ZNF77: variants seen among roughly 807,000 people sequenced by gnomAD.
ZNF77 encodes zinc finger protein 77, also known as ZNFpT1.
In ZNF77, 15 loss-of-function variants were observed where a neutral mutation model predicts 13.5. That is an observed-to-expected ratio of 1.11 (90% CI 0.74 to 1.71). ZNF77 has a LOEUF of 1.71. Ranked by LOEUF, ZNF77 falls within the 40% of genes most tolerant of loss-of-function variation. The pLI, the probability that ZNF77 is intolerant of heterozygous loss-of-function variation, is 0.00. For synonymous variants in ZNF77, 282 were observed against 250.0 expected, an observed-to-expected ratio of 1.13 and a Z score of -1.21; for missense variants, 717 against 676.4, an observed-to-expected ratio of 1.06 and a Z score of -0.67.
intron 3 of ZNF77, among the ~76,000 whole-genome samples, chr19:2,936,163 T>C (rs2088394803): frequency 6.6e-6 from 1 of 152,042 alleles, no homozygotes; most frequent in African/African-American, 2.4e-5. Flanking sequence ...TACTTTTTTT[T>C]TGAGATGGAG....
Position 2,934,077 on chromosome 19 carries a change from T to G in ZNF77, c.1050A>C (p.Lys350Asn). ...TGCCGCATTCCTTACATTCATAGGG[T>G]TTCTCTCCACTGTGCGTTCTCCCAT... ...REHGRTHSGE[K>N]PYECKECGKA... The change falls in exon 4 of 4, where the codon AAA becomes AAC. Residue 350 changes from lysine to asparagine, a missense_variant. By Grantham distance (94) the Lys-to-Asn change is moderately conservative (BLOSUM62 0). Coordinates refer to ENST00000314531, the MANE Select transcript of ZNF77 (RefSeq NM_021217.3). 1 of 1,614,002 alleles carries G rather than the reference T, an allele frequency of 6.2e-7. No individual in the cohort carries two copies. The highest frequency in any genetic ancestry group is 2.2e-5 in the East Asian group (1 of 44,862).
chr19:2,934,450 G>A lies in ZNF77; in HGVS notation c.677C>T (p.Ser226Phe), dbSNP rs780695946. Residue 226 changes from serine (S) to phenylalanine (F), a missense_variant, in exon 4 of 4, where the codon TCT becomes TTT. Physicochemically the swap from Ser to Phe is radical, Grantham distance 155 (BLOSUM62 -2). Transcript: ENST00000314531. ...KCGKAFICPSSFRGHVNSHHG... is the reference protein window; with the variant it reads ...KCGKAFICPSFFRGHVNSHHG... ...ATGACTATTCACATGTCCCCTGAAA[G>A]ATGAGGGACAAATGAAAGCTTTTCC... 1.2e-6 allele frequency: 2 copies of A among 1,614,084 alleles called. No individual in the cohort carries two copies. The highest frequency in any genetic ancestry group is 1.7e-5 in the Admixed American group (1 of 59,998).
At chr19:2,940,881 A>C (rs374363777) in intron 1 of ZNF77, among the ~76,000 whole-genome samples, 5 of 152,066 alleles carry the variant, frequency 3.3e-5, no homozygotes, top group African/African-American at 1.2e-4. Context: ...TTTATAATAA[A>C]ATGCTATCAG....
At position 2,934,165 on chromosome 19, in the gene ZNF77, T is replaced by C. The variant is rs772507748; in HGVS notation, c.962A>G (p.Glu321Gly). The change falls in exon 4 of 4, where the codon GAG (glutamate) becomes GGG (glycine). Residue 321 changes from glutamate (E) to glycine (G), a missense_variant. Transcript: ENST00000314531. ...FRDHVRTHTG[E>G]KPCQCKHCGK... The stretch of plus-strand genomic sequence containing the variant: ...GCAATGTTTACACTGACAGGGTTTC[T>C]CTCCAGTGTGCGTCCTCACGTGATC... The C allele has an allele frequency of 1.6e-5, 26 of 1,614,068 alleles. No individual in the cohort carries two copies. Among genetic ancestry groups the C allele is most frequent in the Non-Finnish European group, 2.1e-5 (25 of 1,180,026 alleles).
At chr19:2,940,392 A>T (rs1486705077) in intron 1 of ZNF77, among the ~76,000 whole-genome samples, 1 of 151,916 alleles carries the variant, frequency 6.6e-6, no homozygotes, top group East Asian at 1.9e-4. Flanking sequence ...AATTTAGGAT[A>T]GGCCGGGCGT....
intron 1 of ZNF77, among the ~76,000 whole-genome samples, chr19:2,940,678 G>GAAAAA (rs71179936): frequency 2.6e-5 from 3 of 114,608 alleles, no homozygotes; most frequent in African/African-American, 3.4e-5. Flanking sequence ...TCACAAAAAA[G>GAAAAA]AAAAAAAAAA....
rs1441840956 is a variant in ZNF77 at position 2,934,394 on chromosome 19, A to G, written c.733T>C (p.Cys245Arg). The change falls in exon 4 of 4, where the codon TGT becomes CGT. Residue 245 changes from cysteine (C) to arginine (R), a missense_variant. Cys to Arg is a radical substitution (Grantham distance 180). Transcript: ENST00000314531. ...GAGTAATACATAAAGGTCTTCCCACATACTTTACATGCATGGGTTTTCTGC... is the reference window on the plus strand; with the variant it reads ...GAGTAATACATAAAGGTCTTCCCACGTACTTTACATGCATGGGTTTTCTGC... Reference protein sequence around the residue: ...HGQKTHACKVCGKTFMYYSYL... With the variant: ...HGQKTHACKVRGKTFMYYSYL... 1.2e-6 allele frequency: 2 copies of G among 1,614,098 alleles called. No homozygotes were observed. The highest frequency in any genetic ancestry group is 1.7e-6 in the Non-Finnish European group (2 of 1,180,040).
At chr19:2,939,554 T>A (rs2088431561) in intron 1 of ZNF77, 147 bp from the exon 2 acceptor site, 2 of 1,121,760 alleles carry the variant, frequency 1.8e-6, no homozygotes, top group East Asian at 2.4e-5. Flanking sequence ...AAAAGTGCAG[T>A]ACACTCAATG....
At chr19:2,944,793 C>A in intron 1 of ZNF77, 45 bp downstream of exon 1, 1 of 1,497,960 alleles carries the variant, frequency 6.7e-7, no homozygotes. Flanking sequence ...TTCCTGCCGC[C>A]CCACCTCGCC....
intron 1 of ZNF77, among the ~76,000 whole-genome samples, chr19:2,943,559 T>G (rs2088469178): frequency 6.6e-6 from 1 of 151,890 alleles, no homozygotes; most frequent in Non-Finnish European, 1.5e-5. Flanking sequence ...TCCTTTCTGC[T>G]TGTCCCCTAA....
At chr19:2,938,942 C>T (rs1259883398) in intron 2 of ZNF77, among the ~76,000 whole-genome samples, 4 of 147,822 alleles carry the variant, frequency 2.7e-5, no homozygotes, top group African/African-American at 5.0e-5. Flanking sequence ...GGCGAGAGAG[C>T]AAGACTCCGT....
intron 2 of ZNF77, among the ~76,000 whole-genome samples, chr19:2,937,656 C>T (rs896395820): frequency 9.9e-5 from 15 of 152,130 alleles, no homozygotes; most frequent in African/African-American, 3.4e-4. Flanking sequence ...CTTTCCCCTG[C>T]GAAGGAGGAC....
intron 1 of ZNF77, among the ~76,000 whole-genome samples, chr19:2,943,461 CCCCGAG>C (rs962853757): frequency 2.0e-5 from 3 of 152,116 alleles, no homozygotes; most frequent in African/African-American, 7.2e-5. Context: ...ACTTTGGCCC[CCCCGAG>C]TCTGAGCAAG....
intron 1 of ZNF77, among the ~76,000 whole-genome samples, chr19:2,942,001 G>GAAGGCAAAGAACACATCC (rs2088452770): frequency 6.6e-6 from 1 of 151,646 alleles, no homozygotes; most frequent in Non-Finnish European, 1.5e-5. Flanking sequence ...GGCAGTGGCA[G>GAAGGCAAAGAACACATCC]AAGGCAAAGA....
intron 1 of ZNF77, among the ~76,000 whole-genome samples, chr19:2,943,734 G>C (rs1379168533): frequency 1.0e-5 from 1 of 97,168 alleles, no homozygotes; most frequent in African/African-American, 4.1e-5. Flanking sequence ...TTTTTGAGAC[G>C]GAGTCTTTCT....
intron 1 of ZNF77, among the ~76,000 whole-genome samples, chr19:2,940,415 C>A (rs2088438854): frequency 6.6e-6 from 1 of 151,946 alleles, no homozygotes; most frequent in Admixed American, 6.6e-5. Context: ...TGGCTCACGC[C>A]TATAATCCTA....
chr19:2,933,835 G>A lies in ZNF77; in HGVS notation c.1292C>T (p.Thr431Ile), dbSNP rs754630281. Reference protein sequence around the residue: ...SSLRIHVRTHTGEKPFECKHC... With the variant: ...SSLRIHVRTHIGEKPFECKHC... Reference sequence around the variant, plus strand: ...CTTACACTCAAAGGGCTTCTCTCCAGTATGCGTCCTCACGTGGATTCGAAG... The same window carrying A: ...CTTACACTCAAAGGGCTTCTCTCCAATATGCGTCCTCACGTGGATTCGAAG... The change falls in exon 4 of 4, where the codon ACT (threonine) becomes ATT (isoleucine). Residue 431 changes from threonine (T) to isoleucine (I), a missense_variant. By Grantham distance (89) the Thr-to-Ile change is moderately conservative. Coordinates refer to ENST00000314531, the MANE Select transcript of ZNF77 (RefSeq NM_021217.3). 2 of 1,613,574 alleles carry A rather than the reference G, an allele frequency of 1.2e-6. No homozygotes were observed. Among genetic ancestry groups the A allele is most frequent in the South Asian group, 2.2e-5 (2 of 91,040 alleles).
In ZNF77 at chr19:2,933,756, G is replaced by A. The variant is rs2088366042; in HGVS notation, c.1371C>T (p.Thr457=). The A allele has an allele frequency of 1.2e-6, 2 of 1,612,272 alleles. No individual in the cohort carries two copies. The highest frequency in any genetic ancestry group is 1.3e-5 in the African/African-American group (1 of 74,836). Residue 457 remains threonine, a synonymous_variant, in exon 4 of 4, where the codon ACC becomes ACT. Coordinates refer to ENST00000314531, the MANE Select transcript of ZNF77 (RefSeq NM_021217.3). ...ATTCGTACGGTTTCTCTCCGCTGTGGGTTCGCACATGCTCTCGAAGGGAGG... is the reference window on the plus strand; with the variant it reads ...ATTCGTACGGTTTCTCTCCGCTGTGAGTTCGCACATGCTCTCGAAGGGAGG... ...CHSSLREHVR[T]HSGEKPYECN...
At chr19:2,935,522 G>A (rs1599617762) in intron 3 of ZNF77, among the ~76,000 whole-genome samples, 1 of 149,080 alleles carries the variant, frequency 6.7e-6, no homozygotes, top group South Asian at 2.1e-4. Context: ...GTAGAGATGG[G>A]GTTTCTCCAT....
Sources: allele counts gnomAD v4.1 joint callset (sites outside exome capture counted in the v4.1 genomes callset), GRCh38; gene constraint gnomAD v4.1.1; transcripts MANE v1.5; gene names NCBI Gene and HGNC (gene_info 2026-07-23, HGNC 2026-07-21).